The following CRYBG1 variants were observed in gnomAD, a reference collection of about 807,000 sequenced individuals.
CRYBG1 encodes the protein beta/gamma crystallin domain-containing protein 1.
Under a neutral mutation model 189.2 loss-of-function variants are expected in CRYBG1, and 139 were observed. That is an observed-to-expected ratio of 0.73 (90% confidence interval 0.64 to 0.85). The LOEUF (loss-of-function observed/expected upper bound fraction) is 0.85. Among genes scored for constraint, CRYBG1 ranks in the 40% least tolerant of loss-of-function variants. CRYBG1 has a pLI of 0.00. For synonymous variants in CRYBG1, 1,023 were observed against 1,017.1 expected, an observed-to-expected ratio of 1.01 and a Z score of -0.11; for missense variants, 2,611 against 2,675.8, an observed-to-expected ratio of 0.98 and a Z score of 0.53.
chr6:106,507,348 G>A (rs1344816838), intron 2 of CRYBG1, among the ~76,000 whole-genome samples: 1 of 152,220 alleles, frequency 6.6e-6, no homozygotes, highest in Non-Finnish European at 1.5e-5. Flanking sequence ...TGTGCAGGCT[G>A]CCTTAAGTAA....
intron 1 of CRYBG1, among the ~76,000 whole-genome samples, chr6:106,374,056 C>G (rs1264163775): frequency 6.6e-6 from 1 of 152,148 alleles, no homozygotes; most frequent in African/African-American, 2.4e-5. Context: ...TGAAACTGCA[C>G]TAGTATAATT....
chr6:106,431,481 C>A (rs961863699), intron 1 of CRYBG1, among the ~76,000 whole-genome samples: 2 of 151,694 alleles, frequency 1.3e-5, no homozygotes, highest in African/African-American at 2.4e-5. Flanking sequence ...CTGCTCAAGC[C>A]CCCCAGTTCT....
intron 1 of CRYBG1, among the ~76,000 whole-genome samples, chr6:106,378,121 C>T (rs147157533): frequency 2.6e-5 from 4 of 152,266 alleles, no homozygotes; most frequent in Admixed American, 6.5e-5. Flanking sequence ...TGTCACCCCC[C>T]GGTCATCCCT....
chr6:106,536,864 T>C (rs11153007), intron 8 of CRYBG1, among the ~76,000 whole-genome samples: 25,474 of 152,142 alleles, frequency 0.17, 2,234 homozygotes, highest in Non-Finnish European at 0.21. Flanking sequence ...GGAGATAGTT[T>C]CCCCCTCTCC....
rs1361096436 is a variant in CRYBG1 at position 106,483,402 on chromosome 6, A to ATATATAT, written c.313-28028_313-28027insTATATAT. On this transcript the variant is annotated intron_variant, in intron 2 of 21. Coordinates refer to ENST00000633556, the MANE Select transcript of CRYBG1 (RefSeq NM_001371242.2). ...TGTATATATATATAGATATATATAT[A>ATATATAT]AAACATTTTCTTTATCTACTTATTT... 3.4e-5 allele frequency among the ~76,000 whole-genome samples: 3 copies of ATATATAT among 88,422 alleles called. 1 individual carries two copies. In the Admixed American group the frequency reaches 3.8e-4, roughly 11 times the overall value. 58.0% of individuals were successfully genotyped at this position (88,422 alleles called of 152,430 possible). A position where few individuals can be genotyped will look rare whatever the true frequency, so the allele number is the denominator to read the frequency against.
In CRYBG1 at chr6:106,434,131, G is replaced by A. The variant is rs189948915; in HGVS notation, c.174-17563G>A. ...AATGGCTATTGGCTGGAGGCCCAGA[G>A]CAAATGATATATCAGAGAGAAAGAG... On this transcript the variant is annotated intron_variant, in intron 1 of 21. Coordinates refer to ENST00000633556, the MANE Select transcript of CRYBG1 (RefSeq NM_001371242.2). 4.3e-4 allele frequency among the ~76,000 whole-genome samples: 64 copies of A among 148,152 alleles called. No homozygotes were observed. In the East Asian group the frequency reaches 0.01, roughly 24 times the overall value.
intron 1 of CRYBG1, among the ~76,000 whole-genome samples, chr6:106,433,772 TGTATATATATATA>T (rs1161189466): frequency 6.1e-5 from 2 of 32,798 alleles, no homozygotes; most frequent in Admixed American, 3.0e-4. Flanking sequence ...TATATATATA[TGTATATATATATA>T]AACATACACA....
At chr6:106,433,787 A>G (rs1771397628) in intron 1 of CRYBG1, among the ~76,000 whole-genome samples, 1 of 138,478 alleles carries the variant, frequency 7.2e-6, no homozygotes, top group Admixed American at 7.2e-5. Context: ...ATATATATAA[A>G]CATACACACA....
chr6:106,484,153 T>C (rs1243606480), intron 2 of CRYBG1, among the ~76,000 whole-genome samples: 6 of 152,332 alleles, frequency 3.9e-5, no homozygotes, highest in Non-Finnish European at 8.8e-5. Context: ...CAGTTGGCTA[T>C]AAGTGCACAA....
chr6:106,474,623 A>G (rs1772299321), intron 2 of CRYBG1, among the ~76,000 whole-genome samples: 1 of 152,084 alleles, frequency 6.6e-6, no homozygotes, highest in Non-Finnish European at 1.5e-5. Context: ...CTTCCGGTCT[A>G]TCCCTCTGAG....
intron 2 of CRYBG1, among the ~76,000 whole-genome samples, chr6:106,454,615 A>AT (rs1771848038): frequency 6.6e-6 from 1 of 152,232 alleles, no homozygotes; most frequent in Non-Finnish European, 1.5e-5. Context: ...GGCAGAATAA[A>AT]TTATATCTAT....
At chr6:106,551,451 T>C (rs1774402292) in intron 13 of CRYBG1, among the ~76,000 whole-genome samples, 1 of 152,234 alleles carries the variant, frequency 6.6e-6, no homozygotes, top group South Asian at 2.1e-4. Flanking sequence ...CACATCTTGA[T>C]ATTGTGAATA....
intron 1 of CRYBG1, among the ~76,000 whole-genome samples, chr6:106,365,354 G>A: frequency 6.6e-6 from 1 of 151,892 alleles, no homozygotes; most frequent in Non-Finnish European, 1.5e-5. Context: ...TTGAACCTGG[G>A]AGGTGGAGGT....
At chr6:106,423,433 G>A (rs975647903) in intron 1 of CRYBG1, among the ~76,000 whole-genome samples, 19 of 151,500 alleles carry the variant, frequency 1.3e-4, no homozygotes, top group Admixed American at 5.9e-4. Context: ...AAATTAAAAA[G>A]TTTGATCTGT....
chr6:106,406,229 A>C (rs1770819609), intron 1 of CRYBG1, among the ~76,000 whole-genome samples: 2 of 152,210 alleles, frequency 1.3e-5, no homozygotes, highest in Non-Finnish European at 2.9e-5. Flanking sequence ...TTCGTGAAGC[A>C]TACACAAGTA....
intron 2 of CRYBG1, among the ~76,000 whole-genome samples, chr6:106,478,765 T>C (rs147930354): frequency 6.6e-6 from 1 of 152,154 alleles, no homozygotes; most frequent in African/African-American, 2.4e-5. Flanking sequence ...TCACTTGCAT[T>C]ACCACCGGAG....
At chr6:106,422,856 G>C (rs1582753781) in intron 1 of CRYBG1, among the ~76,000 whole-genome samples, 1 of 152,204 alleles carries the variant, frequency 6.6e-6, no homozygotes, top group East Asian at 1.9e-4. Flanking sequence ...CACCATGGGA[G>C]CATGATTAGG....
chr6:106,513,125 T>G (rs552765874), intron 3 of CRYBG1, 86 bp downstream of exon 3: 1 of 1,441,532 alleles, frequency 6.9e-7, no homozygotes, highest in East Asian at 2.5e-5. Context: ...ATCTGCATTG[T>G]GGAAGAAACG....
intron 13 of CRYBG1, among the ~76,000 whole-genome samples, chr6:106,546,843 C>A (rs1372296314): frequency 1.3e-5 from 2 of 152,204 alleles, no homozygotes; most frequent in Middle Eastern, 3.2e-3. Flanking sequence ...AACAGTTGTA[C>A]ATTTTGATAC....
Sources: gnomAD v4.1 joint callset for allele counts (sites outside exome capture counted in the v4.1 genomes callset) on GRCh38, gnomAD v4.1.1 for gene constraint, MANE v1.5 for transcripts, NCBI Gene and HGNC (gene_info 2026-07-23, HGNC 2026-07-21) for gene names.